NEB: variants seen among roughly 807,000 people sequenced by gnomAD.
The protein encoded by NEB is nebulin.
A neutral mutation model predicts 952.2 loss-of-function variants in NEB; 512 were observed. That is an observed-to-expected ratio of 0.54 (90% CI 0.50 to 0.58). The LOEUF (loss-of-function observed/expected upper bound fraction) is 0.58. Among genes scored for constraint, NEB ranks in the 20% least tolerant of loss-of-function variants. The probability of loss-of-function intolerance (pLI) is 0.00; values close to 1 mark genes in which losing one functional copy is unlikely to be tolerated. For synonymous variants in NEB, 2,900 were observed against 3,149.8 expected, an observed-to-expected ratio of 0.92 and a Z score of 2.66; for missense variants, 8,428 against 9,231.1, an observed-to-expected ratio of 0.91 and a Z score of 3.56.
In NEB at chr2:151,507,000, C is replaced by T. The variant is rs1339174304; in HGVS notation, c.23465G>A (p.Cys7822Tyr). ...QKNFSLLQYQ[C>Y]DLKNSKGKIT... ...TTTTCCTTTACTGTTTTTAAGGTCA[C>T]ACTGGTATTGGAGCTATGAAGAAAG... is the stretch of plus-strand genomic sequence containing the variant. The change falls in exon 163 of 182, where the codon TGT (cysteine) becomes TAT (tyrosine). Residue 7822 changes from cysteine to tyrosine, a missense_variant. Around this residue, in one of 11 missense-constraint regions of NEB, gnomAD observed 3,374 missense variants for 3,651.5 expected, o/e 0.92. Transcript: ENST00000397345. 6.3e-7 allele frequency: 1 copy of T among 1,595,298 alleles called. No homozygotes were observed. The highest frequency in any genetic ancestry group is 1.7e-5 in the Admixed American group (1 of 59,972).
chr2:151,695,869 A>G (rs1409606815), intron 17 of NEB, among the ~76,000 whole-genome samples, 187 bp from the exon 18 acceptor site: 1 of 152,160 alleles, frequency 6.6e-6, no homozygotes, highest in African/African-American at 2.4e-5. Flanking sequence ...CACATCTGTC[A>G]CCATGGTAGG....
chr2:151,611,351 T>C (rs1411320178), intron 78 of NEB, among the ~76,000 whole-genome samples: 1 of 152,186 alleles, frequency 6.6e-6, no homozygotes, highest in Non-Finnish European at 1.5e-5. Flanking sequence ...CCATAACATA[T>C]ATAAAATGCC....
At chr2:151,502,209 G>GC (rs200221888) in intron 167 of NEB, among the ~76,000 whole-genome samples, 2,237 of 152,098 alleles carry the variant, frequency 0.015, 79 homozygotes, top group East Asian at 0.14. Context: ...TGAACTTTGG[G>GC]GACTTGCAGG....
chr2:151,564,502 G>A (rs2096268748), intron 117 of NEB, among the ~76,000 whole-genome samples: 1 of 152,194 alleles, frequency 6.6e-6, no homozygotes, highest in African/African-American at 2.4e-5. Flanking sequence ...CCTAGTAAAA[G>A]TGACAACAAA....
chr2:151,610,075 C>G lies in NEB; in HGVS notation c.12064G>C (p.Gly4022Arg). The stretch of plus-strand genomic sequence containing the variant: ...GGATCATCTTCAATGCTCTGGGCTC[C>G]AATGTGGTGGCCTTTCTGTTTCTCA... The part of the protein sequence containing the change: ...AYEKQKGHHI[G>R]AQSIEDDPKI... The change falls in exon 81 of 182, where the codon GGA becomes CGA. Residue 4022 changes from glycine to arginine, a missense_variant. By Grantham distance (125) the Gly-to-Arg change is moderately radical. This residue lies in a region of NEB where 337 missense variants were observed against 297.5 expected (regional missense o/e 1.13). Transcript: ENST00000397345. 2 of 1,613,692 alleles carry G rather than the reference C, an allele frequency of 1.2e-6. No homozygotes were observed. Among genetic ancestry groups the G allele is most frequent in the Non-Finnish European group, 1.7e-6 (2 of 1,179,786 alleles).
Position 151,619,726 on chromosome 2 carries a change from G to A in NEB, c.10597C>T (p.His3533Tyr). ...TGTACTGCTCGGGCGCCAATGTGGT[G>A]ACCCAACTGTTTACGATATGCTTCT... ...YKEAYRKQLG[H>Y]HIGARAVHDD... Residue 3533 changes from histidine to tyrosine, a missense_variant, in exon 73 of 182, where the codon CAC becomes TAC. Physicochemically the swap from His to Tyr is moderately conservative, Grantham distance 83 (BLOSUM62 2). This residue lies in a region of NEB where 1,772 missense variants were observed against 1,960.3 expected (regional missense o/e 0.90). Coordinates refer to ENST00000397345, the MANE Select transcript of NEB (RefSeq NM_001164508.2). The A allele has an allele frequency of 1.9e-6, 3 of 1,613,326 alleles. No individual in the cohort carries two copies. Among genetic ancestry groups the A allele is most frequent in the Non-Finnish European group, 2.5e-6 (3 of 1,179,386 alleles).
chr2:151,628,044 T>C (rs956621455), intron 68 of NEB, among the ~76,000 whole-genome samples: 2 of 152,088 alleles, frequency 1.3e-5, no homozygotes, highest in African/African-American at 4.8e-5. Context: ...TCATAAATAG[T>C]CTAACAGCAA....
chr2:151,656,189 A>G lies in NEB; in HGVS notation c.6459T>C (p.Ile2153=), dbSNP rs200954059. The change falls in exon 49 of 182, where the codon ATT becomes ATC. Residue 2153 remains isoleucine (I), a synonymous_variant. Coordinates refer to ENST00000397345, the MANE Select transcript of NEB (RefSeq NM_001164508.2). Reference sequence around the variant, plus strand: ...TGCGATTCATATTCCTGGTCAGCTCAATGTTCATTGCATCTGGAAGGAGGA... The same window carrying G: ...TGCGATTCATATTCCTGGTCAGCTCGATGTTCATTGCATCTGGAAGGAGGA... ...KYILLPDAMN[I]ELTRNMNRIQ... 2 of 1,607,628 alleles carry G rather than the reference A, an allele frequency of 1.2e-6. No homozygotes were observed. The highest frequency in any genetic ancestry group is 2.7e-5 in the African/African-American group (2 of 74,880).
chr2:151,609,187 C>G (rs1362666192), intron 81 of NEB, among the ~76,000 whole-genome samples: 1 of 146,624 alleles, frequency 6.8e-6, no homozygotes, highest in Non-Finnish European at 1.5e-5. Flanking sequence ...GAGTGAAACT[C>G]CATTTCAAAA....
rs564265023 is a variant in NEB, at chr2:151,578,678, G to C, written c.16704+660C>G. Among the ~76,000 whole-genome samples, 16 of 149,174 alleles carry C rather than the reference G, an allele frequency of 1.1e-4. No individual in the cohort carries two copies. In the South Asian group the frequency reaches 3.5e-3, roughly 32 times the overall value. ...GGGAAAGAGACAAGGAGGGAAGGAGGGAAGGAAGGAAGGAAGGAGAGAAGG... is the reference window on the plus strand; with the variant it reads ...GGGAAAGAGACAAGGAGGGAAGGAGCGAAGGAAGGAAGGAAGGAGAGAAGG... On this transcript the variant is annotated intron_variant, in intron 105 of 181. Coordinates refer to ENST00000397345, the MANE Select transcript of NEB (RefSeq NM_001164508.2).
chr2:151,610,452 C>T (rs2097906105), intron 80 of NEB, 64 bp downstream of exon 80: 2 of 1,289,936 alleles, frequency 1.6e-6, no homozygotes, highest in Non-Finnish European at 2.2e-6. Flanking sequence ...GTGTGGTTCA[C>T]CAGCCACCCT....
rs553561600 is a variant in NEB at position 151,705,361 on chromosome 2, T to A, written c.1152+1520A>T. ...TGATGCTATTCATGTTTAATATTTT[T>A]ATATTCCTGTCTTTATCAACAAAGG... On this transcript the variant is annotated intron_variant, in intron 13 of 181. Transcript: ENST00000397345. Among the ~76,000 whole-genome samples, 7 of 152,352 alleles carry A rather than the reference T, an allele frequency of 4.6e-5. No individual in the cohort carries two copies. The South Asian group carries it at 1.2e-3, about 27-fold the overall frequency.
At chr2:151,534,200 G>A in intron 142 of NEB, 1 of 1,603,210 alleles carries the variant, frequency 6.2e-7, no homozygotes, top group South Asian at 1.1e-5. Flanking sequence ...CCACCGGCCA[G>A]CCCCATCACA....
In NEB at chr2:151,667,857, G is replaced by A. The variant is rs756692621; in HGVS notation, c.4666C>T (p.Pro1556Ser). The A allele has an allele frequency of 2.9e-5, 46 of 1,612,690 alleles. No homozygotes were observed. Among genetic ancestry groups the A allele is most frequent in the Middle Eastern group, 3.3e-4 (2 of 6,080 alleles). Residue 1556 changes from proline to serine, a missense_variant, in exon 40 of 182, where the codon CCA becomes TCA. This residue lies in a region of NEB where 2,851 missense variants were observed against 2,791.5 expected (regional missense o/e 1.02). Coordinates refer to ENST00000397345, the MANE Select transcript of NEB (RefSeq NM_001164508.2). ...KTIAKGYDLRPDAIPIVAAKS... is the reference protein window; with the variant it reads ...KTIAKGYDLRSDAIPIVAAKS... ...GCAGCAACAATTGGGATGGCATCTG[G>A]TCTCAAATCATAGCCCTTGGCAATG...
chr2:151,680,168 T>C lies in NEB; in HGVS notation c.3043-146A>G, dbSNP rs1324474812. ...GTGCATTTGCATATTCATGTGCAAA[T>C]ATCTGTAGGCATTCAAGGTCACACA... On this transcript the variant is annotated intron_variant, in intron 30 of 181. Transcript: ENST00000397345. 5 of 663,410 alleles carry C rather than the reference T, an allele frequency of 7.5e-6. No homozygotes were observed. In the African/African-American group the frequency reaches 9.0e-5, roughly 12 times the overall value. 41.1% of individuals were successfully genotyped at this position (663,410 alleles called of 1,614,324 possible).
chr2:151,635,513 C>A (rs1436006576), intron 64 of NEB, among the ~76,000 whole-genome samples: 1 of 152,014 alleles, frequency 6.6e-6, no homozygotes, highest in Non-Finnish European at 1.5e-5. Flanking sequence ...TTGGGACCAG[C>A]CTGGCCAACA....
At chr2:151,681,248 A>C (rs917308319) in intron 29 of NEB, among the ~76,000 whole-genome samples, 4 of 152,240 alleles carry the variant, frequency 2.6e-5, no homozygotes, top group South Asian at 2.1e-4. Flanking sequence ...AGCAAATGGC[A>C]TCAAGAAGCT....
chr2:151,632,413 C>T lies in NEB; in HGVS notation c.9415-1067G>A, dbSNP rs558020281. On this transcript the variant is annotated intron_variant, in intron 65 of 181. Coordinates refer to ENST00000397345, the MANE Select transcript of NEB (RefSeq NM_001164508.2). The stretch of plus-strand genomic sequence containing the variant: ...AAAACAGGACAGGTGTTGGGGTCCA[C>T]GCCTGTAATTCCAGCACTTTGGGAT... Among the ~76,000 whole-genome samples, 22 of 151,738 alleles carry T rather than the reference C, an allele frequency of 1.4e-4. No individual in the cohort carries two copies. In the South Asian group the frequency reaches 1.9e-3, roughly 13 times the overall value.
At chr2:151,697,090 C>A in intron 16 of NEB, 58 bp downstream of exon 16, 1 of 1,302,524 alleles carries the variant, frequency 7.7e-7, no homozygotes, top group Non-Finnish European at 1.1e-6. Context: ...TTAAACATAT[C>A]CTGACCACTA....
Sources: gnomAD v4.1 joint callset for allele counts (sites outside exome capture counted in the v4.1 genomes callset) on GRCh38, gnomAD v4.1.1 for gene constraint, gnomAD v4.1.1 regional missense constraint, MANE v1.5 for transcripts, NCBI Gene and HGNC (gene_info 2026-07-23, HGNC 2026-07-21) for gene names.